STAB2: variants seen among roughly 807,000 people sequenced by gnomAD.
STAB2 encodes the protein stabilin-2.
A neutral mutation model predicts 338.1 loss-of-function variants in STAB2; 288 were observed. The ratio of observed to expected loss-of-function variants is 0.85; its 90% CI spans 0.77 to 0.94. STAB2 has a LOEUF of 0.94. Ranked by LOEUF, STAB2 falls within the 40% of genes least tolerant of loss-of-function variation. The probability of loss-of-function intolerance (pLI) is 0.00; values close to 1 mark genes in which losing one functional copy is unlikely to be tolerated. For missense variants in STAB2, 3,141 were observed against 3,210.1 expected, an observed-to-expected ratio of 0.98 and a Z score of 0.52; for synonymous variants, 1,202 against 1,193.3, an observed-to-expected ratio of 1.01 and a Z score of -0.15.
In STAB2 at chr12:103,750,538, G is replaced by T. The variant is rs769504020; in HGVS notation, c.6439-41G>T. On this transcript the variant is annotated intron_variant, in intron 59 of 68. Transcript: ENST00000388887. ...GGCACTTGGGCATCCTGGGGTCCTA[G>T]AGAAGGAACTTTTTCATCTCTTCCC... The T allele has an allele frequency of 6.2e-6, 10 of 1,608,588 alleles. No homozygotes were observed. In the Admixed American group the frequency reaches 1.7e-4, roughly 27 times the overall value.
intron 24 of STAB2, among the ~76,000 whole-genome samples, chr12:103,676,763 G>A (rs1453813883): frequency 6.6e-6 from 1 of 152,168 alleles, no homozygotes; most frequent in African/African-American, 2.4e-5. Context: ...TGGTTTCTTT[G>A]CTTCCTCTTA....
chr12:103,754,352 G>T (rs557590654), intron 61 of STAB2, among the ~76,000 whole-genome samples: 1 of 152,200 alleles, frequency 6.6e-6, no homozygotes, highest in Non-Finnish European at 1.5e-5. Flanking sequence ...ATCTGGAATA[G>T]TAGACCACCT....
intron 30 of STAB2, among the ~76,000 whole-genome samples, chr12:103,692,236 CTG>C (rs1877996072): frequency 6.6e-6 from 1 of 152,312 alleles, no homozygotes; most frequent in African/African-American, 2.4e-5. Context: ...GTAGCTGTCT[CTG>C]TACAAATTCC....
At chr12:103,760,263 GT>G (rs1459484634) in intron 65 of STAB2, among the ~76,000 whole-genome samples, 1 of 152,046 alleles carries the variant, frequency 6.6e-6, no homozygotes, top group Non-Finnish European at 1.5e-5. Flanking sequence ...GTGGGGGGTG[GT>G]TTTTTGTTGT....
chr12:103,704,425 C>G, intron 35 of STAB2, 133 bp from the exon 36 acceptor site: 1 of 763,748 alleles, frequency 1.3e-6, no homozygotes, highest in South Asian at 1.9e-5. Context: ...GTGTTTGTCT[C>G]AGAACATTAA....
intron 6 of STAB2, among the ~76,000 whole-genome samples, chr12:103,634,833 C>T (rs1434112786): frequency 6.6e-6 from 1 of 152,214 alleles, no homozygotes; most frequent in Non-Finnish European, 1.5e-5. Flanking sequence ...CCTGCCATCA[C>T]AGATGGGAAA....
intron 8 of STAB2, among the ~76,000 whole-genome samples, chr12:103,639,171 AAG>A (rs1268689791): frequency 6.6e-6 from 1 of 152,202 alleles, no homozygotes; most frequent in East Asian, 1.9e-4. Flanking sequence ...TGTGAGATAA[AAG>A]ATATGCTTTA....
intron 39 of STAB2, 121 bp from the exon 40 acceptor site, chr12:103,711,350 T>C (rs987164754): frequency 1.5e-6 from 2 of 1,333,820 alleles, no homozygotes; most frequent in African/African-American, 1.5e-5. Flanking sequence ...CTCATAGTTT[T>C]ATATCGCTCA....
Position 103,742,390 on chromosome 12 carries a change from T to A in STAB2, c.5882-15T>A. On this transcript the variant is annotated splice_polypyrimidine_tract_variant and intron_variant, in intron 55 of 68. Coordinates refer to ENST00000388887, the MANE Select transcript of STAB2 (RefSeq NM_017564.10). ...TTGGGAGACTGTTGAGTCACTGCTG[T>A]TTCATCTCTTCCAGCCTGCCCTGGA... 6.2e-7 allele frequency: 1 copy of A among 1,613,580 alleles called. No individual in the cohort carries two copies. The highest frequency in any genetic ancestry group is 8.5e-7 in the Non-Finnish European group (1 of 1,179,700).
At position 103,737,558 on chromosome 12, in the gene STAB2, G is replaced by C. The variant is rs939028634; in HGVS notation, c.5551-76G>C. The C allele has an allele frequency of 3.4e-6, 5 of 1,470,008 alleles. No homozygotes were observed. The African/African-American group carries it at 7.2e-5, about 21-fold the overall frequency. 91.1% of individuals were successfully genotyped at this position (1,470,008 alleles called of 1,614,324 possible). On this transcript the variant is annotated intron_variant, in intron 52 of 68. Transcript: ENST00000388887. ...CATGGCTGGGAAAGAAGAGATGTGTGAAAGAGATTGACTGTTTCTCTCTCT... is the reference window on the plus strand; with the variant it reads ...CATGGCTGGGAAAGAAGAGATGTGTCAAAGAGATTGACTGTTTCTCTCTCT...
rs1880451752 is a variant in STAB2 at position 103,717,859 on chromosome 12, G to A, written c.4683+18G>A. The A allele has an allele frequency of 1.2e-6, 2 of 1,613,842 alleles. No homozygotes were observed. Among genetic ancestry groups the A allele is most frequent in the Non-Finnish European group, 1.7e-6 (2 of 1,179,820 alleles). The stretch of plus-strand genomic sequence containing the variant: ...GCTTAACTGTGAGTATGGCTCTAGG[G>A]TGGATATCCTTCAAGCCTCAGAGCC... On this transcript the variant is annotated intron_variant, in intron 44 of 68. Transcript: ENST00000388887.
chr12:103,669,313 G>A (rs550033704), intron 20 of STAB2: 23 of 485,072 alleles, frequency 4.7e-5, no homozygotes, highest in Admixed American at 2.5e-4. Context: ...TCCTCTGTCT[G>A]TTCGCACAGT....
rs765350081 is a variant in STAB2 at position 103,763,598 on chromosome 12, AC to A, written c.7599del (p.Phe2534SerfsTer15). Reference protein sequence around the residue: ...TTSAPPEPSYDPFTDSEERQL... With the variant: ...TTSAPPEPSYXPFTDSEERQL... ...TCAGCTCCCCCAGAACCTTCCTACGACCCCTTCACGGTGAGTTTGCATTCTT... is the reference window on the plus strand; with the variant it reads ...TCAGCTCCCCCAGAACCTTCCTACGACCCTTCACGGTGAGTTTGCATTCTT... On this transcript the variant is annotated frameshift_variant, in exon 68 of 69. Coordinates refer to ENST00000388887, the MANE Select transcript of STAB2 (RefSeq NM_017564.10). LOFTEE classifies it high-confidence loss of function. 39 of 1,613,182 alleles carry A rather than the reference AC, an allele frequency of 2.4e-5. No homozygotes were observed. Among genetic ancestry groups the A allele is most frequent in the East Asian group, 4.5e-5 (2 of 44,840 alleles).
intron 34 of STAB2, among the ~76,000 whole-genome samples, chr12:103,701,649 A>G (rs555255322): frequency 6.6e-6 from 1 of 152,370 alleles, no homozygotes; most frequent in South Asian, 2.1e-4. Flanking sequence ...TAGTATTTAA[A>G]AATAGCTCAA....
At chr12:103,642,349 G>A (rs1021766587) in intron 9 of STAB2, among the ~76,000 whole-genome samples, 4 of 152,278 alleles carry the variant, frequency 2.6e-5, no homozygotes, top group South Asian at 4.1e-4. Flanking sequence ...GCCAGGACAC[G>A]GCTGAGTGGG....
intron 61 of STAB2, among the ~76,000 whole-genome samples, chr12:103,754,048 T>C (rs1441514047): frequency 1.3e-5 from 2 of 152,208 alleles, no homozygotes; most frequent in African/African-American, 4.8e-5. Context: ...TGGTGGTTTA[T>C]CACTGGGAGC....
At chr12:103,757,365 G>C (rs1350995603) in intron 63 of STAB2, among the ~76,000 whole-genome samples, 1 of 152,174 alleles carries the variant, frequency 6.6e-6, no homozygotes, top group Non-Finnish European at 1.5e-5. Context: ...TGGGATTATA[G>C]GTGTGAGCCA....
intron 68 of STAB2, among the ~76,000 whole-genome samples, chr12:103,764,835 T>A (rs941886192): frequency 6.6e-6 from 1 of 152,090 alleles, no homozygotes; most frequent in Non-Finnish European, 1.5e-5. Context: ...CAGTGGCTCA[T>A]GCGTGTAATC....
chr12:103,707,780 C>A (rs1235111992), intron 38 of STAB2, among the ~76,000 whole-genome samples: 3 of 152,064 alleles, frequency 2.0e-5, no homozygotes, highest in Admixed American at 2.0e-4. Flanking sequence ...CTAAGCCAGA[C>A]AAAATTAATG....
Sources: allele counts gnomAD v4.1 joint callset (sites outside exome capture counted in the v4.1 genomes callset), GRCh38; gene constraint gnomAD v4.1.1; transcripts MANE v1.5; gene names NCBI Gene and HGNC (gene_info 2026-07-23, HGNC 2026-07-21).